Variants in NAALADL2 observed in about 807,000 individuals in gnomAD.
The protein encoded by NAALADL2 is inactive N-acetylated-alpha-linked acidic dipeptidase-like protein 2.
NAALADL2 carries 76 observed loss-of-function variants against 87.2 expected under a neutral mutation model. The ratio of observed to expected loss-of-function variants is 0.87; its 90% CI spans 0.72 to 1.05. The LOEUF (loss-of-function observed/expected upper bound fraction) is 1.05, where lower values mean the gene tolerates loss of function less well. Ranked by LOEUF, NAALADL2 falls within the 50% of genes least tolerant of loss-of-function variation. The pLI, the probability that NAALADL2 is intolerant of heterozygous loss-of-function variation, is 0.00. For missense variants in NAALADL2, 1,089 were observed against 945.8 expected (o/e 1.15, Z -1.99); for synonymous variants, 354 against 331.0 (o/e 1.07, Z -0.75).
intron 1 of NAALADL2, among the ~76,000 whole-genome samples, chr3:175,079,970 C>CTTTTT (rs754948428): frequency 0.042 from 6,089 of 144,188 alleles, 445 homozygotes; most frequent in African/African-American, 0.15. Flanking sequence ...GAAATATAGA[C>CTTTTT]TTTTTTTTTT....
chr3:175,733,484 G>A (rs1165750050), intron 11 of NAALADL2, among the ~76,000 whole-genome samples: 1 of 152,122 alleles, frequency 6.6e-6, no homozygotes, highest in African/African-American at 2.4e-5. Context: ...ATCTCCTACT[G>A]GGTCCTTCCC....
intron 2 of NAALADL2, among the ~76,000 whole-genome samples, chr3:175,156,615 AAT>A (rs1321753802): frequency 6.6e-6 from 1 of 152,070 alleles, no homozygotes; most frequent in Non-Finnish European, 1.5e-5. Context: ...ATACTGATTA[AAT>A]ATTATTCTTT....
At chr3:175,079,856 G>A (rs1240625341) in intron 1 of NAALADL2, among the ~76,000 whole-genome samples, 1 of 152,138 alleles carries the variant, frequency 6.6e-6, no homozygotes, top group Non-Finnish European at 1.5e-5. Flanking sequence ...AAATCATTCA[G>A]GATGCCCTTG....
intron 11 of NAALADL2, among the ~76,000 whole-genome samples, chr3:175,632,647 T>A (rs1727956467): frequency 6.6e-6 from 1 of 152,062 alleles, no homozygotes; most frequent in Non-Finnish European, 1.5e-5. Flanking sequence ...ATAATTTTAA[T>A]AGTTCTATCT....
intron 10 of NAALADL2, among the ~76,000 whole-genome samples, chr3:175,612,492 A>G (rs1353299226): frequency 6.6e-6 from 1 of 152,170 alleles, no homozygotes; most frequent in African/African-American, 2.4e-5. Context: ...TTGAAGGGCT[A>G]TAATATCTTT....
At chr3:174,624,563 G>T (rs968516776) in intron 2 of NAALADL2, among the ~76,000 whole-genome samples, 1 of 151,470 alleles carries the variant, frequency 6.6e-6, no homozygotes, top group Non-Finnish European at 1.5e-5. Context: ...GGTGGAGGTT[G>T]CAGTGAGCTG....
chr3:175,155,307 T>C (rs867674319), intron 2 of NAALADL2, among the ~76,000 whole-genome samples: 44 of 152,292 alleles, frequency 2.9e-4, no homozygotes, highest in African/African-American at 1.1e-3. Flanking sequence ...GTACCTGTTT[T>C]GTGTAACAGC....
chr3:175,547,085 A>T (rs1713462980), intron 9 of NAALADL2, among the ~76,000 whole-genome samples: 1 of 152,156 alleles, frequency 6.6e-6, no homozygotes, highest in Non-Finnish European at 1.5e-5. Flanking sequence ...ATTCATATAG[A>T]ACCAGAAATG....
At chr3:175,498,295 C>T (rs189793369) in intron 9 of NAALADL2, among the ~76,000 whole-genome samples, 7 of 152,148 alleles carry the variant, frequency 4.6e-5, no homozygotes, top group East Asian at 1.9e-4. Flanking sequence ...GGAATAATAT[C>T]AGAGAAAATA....
intron 10 of NAALADL2, among the ~76,000 whole-genome samples, chr3:175,582,336 C>T (rs1247452310): frequency 2.6e-5 from 4 of 152,112 alleles, no homozygotes; most frequent in African/African-American, 9.7e-5. Context: ...ACAGCTTTCC[C>T]TTAGCAGTTG....
chr3:175,056,145 G>A lies in NAALADL2; in HGVS notation c.44-40645G>A, dbSNP rs528909868. Among the ~76,000 whole-genome samples, 22 of 152,208 alleles carry A rather than the reference G, an allele frequency of 1.4e-4. No homozygotes were observed. The South Asian group carries it at 3.7e-3, about 26-fold the overall frequency. ...GTCCTCCGGAAAAGAAAGATCTGGA[G>A]GGTCCGGCCGCTCTTTTTCTTCAAA... On this transcript the variant is annotated intron_variant, in intron 1 of 13. Coordinates refer to ENST00000454872, the MANE Select transcript of NAALADL2 (RefSeq NM_207015.3).
chr3:175,660,697 T>A (rs1337073875), intron 11 of NAALADL2, among the ~76,000 whole-genome samples: 1 of 152,116 alleles, frequency 6.6e-6, no homozygotes, highest in Non-Finnish European at 1.5e-5. Context: ...ACCACCATCC[T>A]ATGCTCTACC....
At chr3:175,247,695 T>C (rs1748240210) in intron 3 of NAALADL2, among the ~76,000 whole-genome samples, 1 of 152,108 alleles carries the variant, frequency 6.6e-6, no homozygotes, top group South Asian at 2.1e-4. Flanking sequence ...ATTAAGAATT[T>C]CAAGATAATG....
At chr3:174,954,052 T>C (rs906326855) in intron 1 of NAALADL2, among the ~76,000 whole-genome samples, 13 of 152,100 alleles carry the variant, frequency 8.5e-5, no homozygotes, top group African/African-American at 3.1e-4. Flanking sequence ...GATACGACTT[T>C]GGCATGTTCT....
At chr3:175,170,234 C>A (rs1269629856) in intron 2 of NAALADL2, among the ~76,000 whole-genome samples, 1 of 151,344 alleles carries the variant, frequency 6.6e-6, no homozygotes, top group Admixed American at 6.6e-5. Flanking sequence ...TGTTAATTTT[C>A]TTTATTTCTG....
intron 1 of NAALADL2, among the ~76,000 whole-genome samples, chr3:174,476,256 CTTTT>C (rs373800541): frequency 7.4e-6 from 1 of 135,956 alleles, no homozygotes; most frequent in Non-Finnish European, 1.6e-5. Flanking sequence ...GAGCAGTAGT[CTTTT>C]TTTTTTTTTC....
chr3:175,539,977 A>G (rs868597423), intron 9 of NAALADL2, among the ~76,000 whole-genome samples: 1 of 152,230 alleles, frequency 6.6e-6, no homozygotes, highest in East Asian at 1.9e-4. Flanking sequence ...ACTTCATAAA[A>G]TTACTAGAAT....
Position 174,622,734 on chromosome 3 carries a change from G to C in NAALADL2, c.-115+72097G>C, listed in dbSNP as rs545041112. ...TGATTTATCCATATTTTAAGTTTAT[G>C]TCATTCATTTAGTAAGAGGAATCGG... On this transcript the variant is annotated intron_variant, in intron 2 of 3. Coordinates refer to the NAALADL2 transcript ENST00000434257. Among the ~76,000 whole-genome samples, 270 of 152,280 alleles carry C rather than the reference G, an allele frequency of 1.8e-3. 1 individual carries two copies. The highest frequency in any genetic ancestry group is 2.8e-3 in the Non-Finnish European group (190 of 68,014).
intron 11 of NAALADL2, among the ~76,000 whole-genome samples, chr3:175,659,752 T>A (rs1731988836): frequency 6.6e-6 from 1 of 152,168 alleles, no homozygotes; most frequent in South Asian, 2.1e-4. Context: ...TTTAATTTGA[T>A]CTTGAGATTT....
Sources: allele counts gnomAD v4.1 joint callset (sites outside exome capture counted in the v4.1 genomes callset), GRCh38; gene constraint gnomAD v4.1.1; transcripts MANE v1.5; gene names NCBI Gene and HGNC (gene_info 2026-07-23, HGNC 2026-07-21).